Variants in CCDC42 observed in about 807,000 individuals in gnomAD.
The protein encoded by CCDC42 is coiled-coil domain-containing protein 42.
Under a neutral mutation model 40.8 loss-of-function variants are expected in CCDC42, and 38 were observed. That is an observed-to-expected ratio of 0.93 (90% CI 0.72 to 1.22). CCDC42 has a LOEUF of 1.22. CCDC42 is among the 50% of genes most tolerant of loss of function. The pLI, the probability that CCDC42 is intolerant of heterozygous loss-of-function variation, is 0.00. For synonymous variants in CCDC42, 135 were observed against 157.5 expected (o/e 0.86, Z 1.07); for missense variants, 379 against 416.5 (o/e 0.91, Z 0.78).
chr17:8,737,075 A>AAG (rs1568052073), intron 4 of CCDC42, among the ~76,000 whole-genome samples: 1 of 151,998 alleles, frequency 6.6e-6, no homozygotes, highest in Non-Finnish European at 1.5e-5. Flanking sequence ...GAAAAAGGAA[A>AAG]GAAAGAAAAA....
intron 3 of CCDC42, among the ~76,000 whole-genome samples, chr17:8,743,049 C>T (rs1215302817): frequency 1.3e-5 from 2 of 152,190 alleles, no homozygotes; most frequent in Non-Finnish European, 2.9e-5. Context: ...GCAATCATTA[C>T]CCACTCCCGG....
Position 8,741,630 on chromosome 17 carries a change from G to T in CCDC42, c.336C>A (p.Asn112Lys), listed in dbSNP as rs144318969. 42 of 1,613,966 alleles carry T rather than the reference G, an allele frequency of 2.6e-5. No individual in the cohort carries two copies. The African/African-American group carries it at 5.6e-4, about 22-fold the overall frequency. The change falls in exon 4 of 7, where the codon AAC (asparagine) becomes AAA (lysine). Residue 112 changes from asparagine to lysine, a missense_variant. Physicochemically the swap from Asn to Lys is moderately conservative, Grantham distance 94. Coordinates refer to ENST00000293845, the MANE Select transcript of CCDC42 (RefSeq NM_144681.3). ...QKRIRAMKKA[N>K]KERELKCQHM... ...GCTGGCACTTGAGTTCTCGCTCCTTGTTGGCTTTCTTCATGGCGCGGATCC... is the reference window on the plus strand; with the variant it reads ...GCTGGCACTTGAGTTCTCGCTCCTTTTTGGCTTTCTTCATGGCGCGGATCC...
chr17:8,735,625 CTCAGG>C lies in CCDC42; in HGVS notation c.493-19_493-15del. 3 of 1,610,138 alleles carry C rather than the reference CTCAGG, an allele frequency of 1.9e-6. No homozygotes were observed. The highest frequency in any genetic ancestry group is 2.5e-6 in the Non-Finnish European group (3 of 1,177,664). On this transcript the variant is annotated splice_polypyrimidine_tract_variant and intron_variant, in intron 4 of 6. Transcript: ENST00000293845. The surrounding 1 kb of genome is among the most constrained non-coding windows in gnomAD (Gnocchi z 4.7). ...GATCTCCTCGAACTGTGGTCAGGGG[CTCAGG>C]TCAATGCACAGCCAGCCCCTGGGGC...
intron 2 of CCDC42, among the ~76,000 whole-genome samples, 171 bp from the exon 3 acceptor site, chr17:8,743,901 G>A (rs1337655518): frequency 6.6e-6 from 1 of 151,882 alleles, no homozygotes; most frequent in Non-Finnish European, 1.5e-5. Flanking sequence ...TCCCTGGACA[G>A]TGGTACCCCC....
In CCDC42 at chr17:8,735,867, A is replaced by ACC. The variant is rs1187825418; in HGVS notation, c.493-257_493-256insGG. ...GCTAGGGATTTTCGACTTTAACTGC[A>ACC]TGTGAGAATCACCTGTAGGGGCTTT... On this transcript the variant is annotated intron_variant, in intron 4 of 6. Transcript: ENST00000293845. This position sits in a 1 kb window ranked among gnomAD's most constrained non-coding sequence, Gnocchi z 4.7. Among the ~76,000 whole-genome samples the ACC allele has an allele frequency of 2.0e-5, 3 of 152,192 alleles. No individual in the cohort carries two copies. Among genetic ancestry groups the ACC allele is most frequent in the Admixed American group, 2.0e-4 (3 of 15,282 alleles).
intron 4 of CCDC42, among the ~76,000 whole-genome samples, chr17:8,736,009 G>C (rs1039524000): frequency 6.6e-6 from 1 of 152,160 alleles, no homozygotes; most frequent in Non-Finnish European, 1.5e-5. Flanking sequence ...GCACAGCCAG[G>C]GTTGATAATC....
intron 4 of CCDC42, among the ~76,000 whole-genome samples, chr17:8,739,468 GAC>G (rs2086629058): frequency 6.6e-6 from 1 of 152,014 alleles, no homozygotes; most frequent in Admixed American, 6.6e-5. Context: ...AGGAGGGAGA[GAC>G]AGGCCAATTT....
chr17:8,738,223 C>G (rs891535664), intron 4 of CCDC42, among the ~76,000 whole-genome samples: 1 of 152,096 alleles, frequency 6.6e-6, no homozygotes, highest in Non-Finnish European at 1.5e-5. Flanking sequence ...AAAAAGAGCT[C>G]TCATCTCTTA....
chr17:8,743,994 T>C (rs976935449), intron 2 of CCDC42, 85 bp downstream of exon 2: 70 of 1,071,446 alleles, frequency 6.5e-5, no homozygotes, highest in African/African-American at 1.6e-4. Flanking sequence ...ACTCAGACAA[T>C]GGAGGGCTGT....
Position 8,730,091 on chromosome 17 carries a change from G to T in CCDC42, c.*39C>A. The T allele has an allele frequency of 8.8e-6, 14 of 1,593,410 alleles. No homozygotes were observed. Among genetic ancestry groups the T allele is most frequent in the Non-Finnish European group, 1.2e-5 (14 of 1,161,822 alleles). On this transcript the variant is annotated 3_prime_UTR_variant, in exon 7 of 7. Transcript: ENST00000293845. Reference sequence around the variant, plus strand: ...GCAGGCTCACGACTTCTTCTTTCACGATCTCTGTCTCAGGACATTCTGGAA... The same window carrying T: ...GCAGGCTCACGACTTCTTCTTTCACTATCTCTGTCTCAGGACATTCTGGAA...
chr17:8,735,645 G>A lies in CCDC42; in HGVS notation c.493-34C>T. On this transcript the variant is annotated intron_variant, in intron 4 of 6. Coordinates refer to ENST00000293845, the MANE Select transcript of CCDC42 (RefSeq NM_144681.3). The surrounding 1 kb of genome is among the most constrained non-coding windows in gnomAD (Gnocchi z 4.7). Reference sequence around the variant, plus strand: ...AGGGGCTCAGGTCAATGCACAGCCAGCCCCTGGGGCCTGAGGGAGCCACCC... The same window carrying A: ...AGGGGCTCAGGTCAATGCACAGCCAACCCCTGGGGCCTGAGGGAGCCACCC... 1 of 1,577,438 alleles carries A rather than the reference G, an allele frequency of 6.3e-7. No homozygotes were observed. Among genetic ancestry groups the A allele is most frequent in the Non-Finnish European group, 8.7e-7 (1 of 1,155,282 alleles).
At chr17:8,732,162 A>G (rs1354333592) in intron 6 of CCDC42, among the ~76,000 whole-genome samples, 2 of 151,530 alleles carry the variant, frequency 1.3e-5, no homozygotes, top group Non-Finnish European at 3.0e-5. Context: ...AGCCAGGCGT[A>G]GTGGCGGGCG....
chr17:8,736,077 T>C (rs2086610281), intron 4 of CCDC42, among the ~76,000 whole-genome samples: 1 of 152,140 alleles, frequency 6.6e-6, no homozygotes, highest in South Asian at 2.1e-4. Flanking sequence ...TTCAACAAGA[T>C]TGTACCAGGA....
chr17:8,743,944 G>T, intron 2 of CCDC42, 135 bp downstream of exon 2: 1 of 690,350 alleles, frequency 1.4e-6, no homozygotes, highest in Non-Finnish European at 2.5e-6. Context: ...TCCCCAAAGA[G>T]ACCAGATCAC....
Position 8,735,660 on chromosome 17 carries a change from G to A in CCDC42, c.493-49C>T. On this transcript the variant is annotated intron_variant, in intron 4 of 6. Transcript: ENST00000293845. This position sits in a 1 kb window ranked among gnomAD's most constrained non-coding sequence, Gnocchi z 4.7. ...TGCACAGCCAGCCCCTGGGGCCTGA[G>A]GGAGCCACCCAGTCCTGCCAACCTC... The A allele has an allele frequency of 1.3e-6, 2 of 1,525,498 alleles. No homozygotes were observed. Among genetic ancestry groups the A allele is most frequent in the Non-Finnish European group, 1.8e-6 (2 of 1,116,604 alleles). The allele number at this position is 1,525,498 out of a possible 1,614,324, so 94.5% of individuals were successfully genotyped here. A position where few individuals can be genotyped will look rare whatever the true frequency, so the allele number is the denominator to read the frequency against.
Position 8,735,275 on chromosome 17 carries a change from G to A in CCDC42, c.715-21C>T. The stretch of plus-strand genomic sequence containing the variant: ...GATTCCTGGAGAGTGGATAAGGACG[G>A]GGCATGAGCACAGCATGTGGTGTGT... On this transcript the variant is annotated intron_variant, in intron 5 of 6. Coordinates refer to ENST00000293845, the MANE Select transcript of CCDC42 (RefSeq NM_144681.3). This position sits in a 1 kb window ranked among gnomAD's most constrained non-coding sequence, Gnocchi z 4.7. The A allele has an allele frequency of 1.2e-6, 2 of 1,614,102 alleles. No individual in the cohort carries two copies. The highest frequency in any genetic ancestry group is 1.7e-6 in the Non-Finnish European group (2 of 1,179,982).
At chr17:8,743,590 C>T (rs2086658119) in intron 3 of CCDC42, 36 bp downstream of exon 3, 3 of 1,209,390 alleles carry the variant, frequency 2.5e-6, no homozygotes, top group Admixed American at 3.4e-5. Flanking sequence ...GACTATGGAT[C>T]CCCTGGCCAC....
rs1403206639 is a variant in CCDC42 at position 8,744,066 on chromosome 17, C to A, written c.189+13G>T. On this transcript the variant is annotated intron_variant, in intron 2 of 6. Transcript: ENST00000293845. ...CTTTCCTGCCCCTCTGCACTCCATC[C>A]CTGAGTCCCCACCTTCTTCTTCTGC... is the stretch of plus-strand genomic sequence containing the variant. 6 of 1,600,724 alleles carry A rather than the reference C, an allele frequency of 3.7e-6. No individual in the cohort carries two copies. Among genetic ancestry groups the A allele is most frequent in the Non-Finnish European group, 5.1e-6 (6 of 1,170,702 alleles).
chr17:8,736,392 C>G (rs954753558), intron 4 of CCDC42, among the ~76,000 whole-genome samples: 6 of 152,208 alleles, frequency 3.9e-5, no homozygotes, highest in East Asian at 3.8e-4. Flanking sequence ...TCACCTCCCC[C>G]AGCCTGGTCC....
Sources: allele counts gnomAD v4.1 joint callset (sites outside exome capture counted in the v4.1 genomes callset), GRCh38; gene constraint gnomAD v4.1.1; non-coding constraint Gnocchi (gnomAD v3.1); transcripts MANE v1.5; gene names NCBI Gene and HGNC (gene_info 2026-07-23, HGNC 2026-07-21).